The following PLA2G4F variants were observed in gnomAD, a reference collection of about 807,000 sequenced individuals.
PLA2G4F encodes cytosolic phospholipase A2 zeta.
Under a neutral mutation model 103.1 loss-of-function variants are expected in PLA2G4F, and 105 were observed. The ratio of observed to expected loss-of-function variants is 1.02; its 90% CI spans 0.87 to 1.20. PLA2G4F has a LOEUF of 1.20. Ranked by LOEUF, PLA2G4F falls within the 50% of genes most tolerant of loss-of-function variation. PLA2G4F has a pLI of 0.00. For missense variants in PLA2G4F, 1,155 were observed against 1,075.9 expected, an observed-to-expected ratio of 1.07 and a Z score of -1.03; for synonymous variants, 468 against 441.1, an observed-to-expected ratio of 1.06 and a Z score of -0.76.
At position 42,141,040 on chromosome 15, in the gene PLA2G4F, G is replaced by A. The variant is rs2048823304; in HGVS notation, c.*944C>T. 5.7e-6 allele frequency: 2 copies of A among 353,154 alleles called. No homozygotes were observed. The highest frequency in any genetic ancestry group is 7.4e-5 in the Admixed American group (2 of 26,922). The allele number at this position is 353,154 out of a possible 1,614,324, so 21.9% of individuals were successfully genotyped here. A position where few individuals can be genotyped will look rare whatever the true frequency, so the allele number is the denominator to read the frequency against. On this transcript the variant is annotated 3_prime_UTR_variant, in exon 20 of 20. Coordinates refer to ENST00000397272, the MANE Select transcript of PLA2G4F (RefSeq NM_213600.4). ...GAAACAAAACTTGCCAAGACCCATT[G>A]GATGCATCTGGGAAAGAGGCAAGAG...
intron 2 of PLA2G4F, 167 bp from the exon 3 acceptor site, chr15:42,154,625 A>G (rs1345851456): frequency 4.4e-6 from 3 of 685,374 alleles, no homozygotes; most frequent in East Asian, 6.0e-5. Flanking sequence ...CTTTCACTCC[A>G]TCTTGATTCC....
Position 42,147,187 on chromosome 15 carries a change from A to C in PLA2G4F, c.1356T>G (p.Ser452Arg). Reference sequence around the variant, plus strand: ...GGTCGATGAGGGACACGCTGTGGCCACTGCGCTCCCGGACCCCCAGTTCCT... The same window carrying C: ...GGTCGATGAGGGACACGCTGTGGCCCCTGCGCTCCCGGACCCCCAGTTCCT... ...YTQELGVRERSGHSVSLIDLW... is the reference protein window; with the variant it reads ...YTQELGVRERRGHSVSLIDLW... The change falls in exon 13 of 20, where the codon AGT becomes AGG. Residue 452 changes from serine (S) to arginine (R), a missense_variant. Physicochemically the swap from Ser to Arg is moderately radical, Grantham distance 110. This residue lies in a region of PLA2G4F where 782 missense variants were observed against 692.9 expected (regional missense o/e 1.13). Transcript: ENST00000397272. The C allele has an allele frequency of 6.2e-7, 1 of 1,612,980 alleles. No homozygotes were observed.
chr15:42,146,074 C>T (rs2048881575), intron 14 of PLA2G4F, 53 bp downstream of exon 14: 1 of 1,599,840 alleles, frequency 6.3e-7, no homozygotes, highest in Non-Finnish European at 8.6e-7. Flanking sequence ...TGGCCTCTCA[C>T]CTCCTCCTCC....
At chr15:42,145,298 C>G (rs946322446) in intron 16 of PLA2G4F, among the ~76,000 whole-genome samples, 2 of 152,148 alleles carry the variant, frequency 1.3e-5, no homozygotes, top group Non-Finnish European at 2.9e-5. Flanking sequence ...CATTTAAGGA[C>G]CAGGCTGAAG....
intron 18 of PLA2G4F, 124 bp from the exon 19 acceptor site, chr15:42,142,838 AGGTGACAG>A: frequency 3.0e-6 from 3 of 990,342 alleles, no homozygotes; most frequent in Non-Finnish European, 4.5e-6. Context: ...GACTTCAGGC[AGGTGACAG>A]CTCCTTTCTG....
chr15:42,152,663 A>G (rs1458857577), intron 7 of PLA2G4F, 25 bp downstream of exon 7: 2 of 1,552,630 alleles, frequency 1.3e-6, no homozygotes, highest in African/African-American at 1.4e-5. Flanking sequence ...AAGGCAAAAG[A>G]CCCAAGGCCG....
chr15:42,149,053 A>T (rs2048924808), intron 11 of PLA2G4F: 1 of 985,164 alleles, frequency 1.0e-6, no homozygotes, highest in Admixed American at 6.2e-5. Context: ...CTCTCTCAGC[A>T]CGCCTTTCCT....
chr15:42,144,110 G>T lies in PLA2G4F; in HGVS notation c.2010C>A (p.Thr670=). The T allele has an allele frequency of 6.2e-7, 1 of 1,613,410 alleles. No homozygotes were observed. The highest frequency in any genetic ancestry group is 8.5e-7 in the Non-Finnish European group (1 of 1,179,776). ...CCAGGTACAGGCAGTCCCGCATGGG[G>T]GTGAGCTGGTTGGGGAAGGCGTCCG... The part of the protein sequence containing the change: ...THPDAFPNQL[T]PMRDCLYLVD... Residue 670 remains threonine, a synonymous_variant, in exon 18 of 20, where the codon ACC becomes ACA. Coordinates refer to ENST00000397272, the MANE Select transcript of PLA2G4F (RefSeq NM_213600.4).
chr15:42,154,599 G>C, intron 2 of PLA2G4F, 141 bp from the exon 3 acceptor site: 1 of 944,352 alleles, frequency 1.1e-6, no homozygotes, highest in Non-Finnish European at 1.5e-6. Flanking sequence ...AGGAGGTGGA[G>C]GGAGAGCCTT....
At chr15:42,154,262 C>T (rs373710205) in intron 3 of PLA2G4F, 42 bp from the exon 4 acceptor site, 3 of 1,613,320 alleles carry the variant, frequency 1.9e-6, no homozygotes, top group African/African-American at 2.7e-5. Flanking sequence ...TGAGGTAGGA[C>T]AGGAGGGTAG....
intron 19 of PLA2G4F, 47 bp from the exon 20 acceptor site, chr15:42,142,251 G>A (rs2048833240): frequency 6.6e-7 from 1 of 1,512,648 alleles, no homozygotes; most frequent in Non-Finnish European, 9.0e-7. Context: ...AGCCCTCTGT[G>A]GAACTGGCTG....
At chr15:42,142,357 G>T (rs2048834070) in intron 19 of PLA2G4F, among the ~76,000 whole-genome samples, 153 bp from the exon 20 acceptor site, 2 of 152,226 alleles carry the variant, frequency 1.3e-5, no homozygotes, top group African/African-American at 2.4e-5. Flanking sequence ...CCCAGGAGGG[G>T]CTGGCCCCAT....
chr15:42,142,247 C>A, intron 19 of PLA2G4F, 43 bp from the exon 20 acceptor site: 1 of 1,547,320 alleles, frequency 6.5e-7, no homozygotes, highest in Non-Finnish European at 8.8e-7. Flanking sequence ...ATGGAGCCCT[C>A]TGTGGAACTG....
chr15:42,141,498 C>A lies in PLA2G4F; in HGVS notation c.*486G>T, dbSNP rs957301052. ...CCCCTCATTGTTCTTGATAGCAGTG[C>A]ATCCAGGAGCTCGAGGTGGGGTTGG... is the stretch of plus-strand genomic sequence containing the variant. On this transcript the variant is annotated 3_prime_UTR_variant, in exon 20 of 20. Coordinates refer to ENST00000397272, the MANE Select transcript of PLA2G4F (RefSeq NM_213600.4). 1.1e-4 allele frequency: 48 copies of A among 441,736 alleles called. 1 individual carries two copies. The highest frequency in any genetic ancestry group is 5.0e-5 in the Non-Finnish European group (11 of 219,678). The allele number at this position is 441,736 out of a possible 1,614,324, so 27.4% of individuals were successfully genotyped here.
chr15:42,155,672 A>G, intron 1 of PLA2G4F, 83 bp from the exon 2 acceptor site: 1 of 1,390,422 alleles, frequency 7.2e-7, no homozygotes, highest in South Asian at 1.2e-5. Flanking sequence ...CCCATCATGG[A>G]GCAGCAACCT....
chr15:42,145,631 G>C lies in PLA2G4F; in HGVS notation c.1724C>G (p.Thr575Ser). The part of the protein sequence containing the change: ...ATSLDEIFLK[T>S]AGSGLSFLEW... ...CAGGAAGCTGAGGCCCGAGCCGGCG[G>C]TCTTTAGGAAGATCTCATCCAGGCT... Residue 575 changes from threonine (T) to serine (S), a missense_variant, in exon 16 of 20, where the codon ACC becomes AGC. Around this residue, in one of 3 missense-constraint regions of PLA2G4F, gnomAD observed 782 missense variants for 692.9 expected, o/e 1.13. Transcript: ENST00000397272. 1 of 1,614,158 alleles carries C rather than the reference G, an allele frequency of 6.2e-7. No homozygotes were observed. Among genetic ancestry groups the C allele is most frequent in the Non-Finnish European group, 8.5e-7 (1 of 1,180,028 alleles).
intron 7 of PLA2G4F, chr15:42,151,489 C>G: frequency 1.0e-6 from 1 of 985,152 alleles, no homozygotes; most frequent in African/African-American, 1.7e-5. Context: ...CAGAGGGGGC[C>G]GCAGACAGCC....
chr15:42,142,289 G>T, intron 19 of PLA2G4F, 85 bp from the exon 20 acceptor site: 1 of 1,349,432 alleles, frequency 7.4e-7, no homozygotes, highest in Non-Finnish European at 1.0e-6. Flanking sequence ...TCCTTGTGCA[G>T]GACACCTGGC....
intron 9 of PLA2G4F, 68 bp from the exon 10 acceptor site, chr15:42,150,209 AC>A (rs2048941384): frequency 1.2e-6 from 2 of 1,602,576 alleles, no homozygotes; most frequent in Admixed American, 1.7e-5. Flanking sequence ...TGGCTCCCCC[AC>A]CTGCAGCCCT....
Sources: gnomAD v4.1 joint callset for allele counts (sites outside exome capture counted in the v4.1 genomes callset) on GRCh38, gnomAD v4.1.1 for gene constraint, gnomAD v4.1.1 regional missense constraint, MANE v1.5 for transcripts, NCBI Gene and HGNC (gene_info 2026-07-23, HGNC 2026-07-21) for gene names.